The following PXDNL variants were observed in gnomAD, a reference collection of about 807,000 sequenced individuals.
The protein encoded by PXDNL is peroxidasin like, also known as probable oxidoreductase PXDNL.
A neutral mutation model predicts 150.8 loss-of-function variants in PXDNL; 145 were observed. That is an observed-to-expected ratio of 0.96 (90% CI 0.84 to 1.10). PXDNL has a LOEUF of 1.10. Among genes scored for constraint, PXDNL ranks in the 50% least tolerant of loss-of-function variants. PXDNL has a pLI of 0.00. For missense variants in PXDNL, 2,087 were observed against 1,873.9 expected, an observed-to-expected ratio of 1.11 and a Z score of -2.10; for synonymous variants, 757 against 725.7, an observed-to-expected ratio of 1.04 and a Z score of -0.69.
chr8:51,364,764 C>A (rs1030966884), intron 19 of PXDNL, among the ~76,000 whole-genome samples: 4 of 152,082 alleles, frequency 2.6e-5, no homozygotes, highest in Non-Finnish European at 2.9e-5. Context: ...TTGCTGCCAT[C>A]GGTTATGGAG....
At chr8:51,712,792 A>C (rs1282954573) in intron 1 of PXDNL, among the ~76,000 whole-genome samples, 2 of 152,218 alleles carry the variant, frequency 1.3e-5, no homozygotes, top group Non-Finnish European at 2.9e-5. Flanking sequence ...GCAACTGTTA[A>C]AATATTCCTT....
intron 6 of PXDNL, among the ~76,000 whole-genome samples, chr8:51,483,374 T>G (rs116655717): frequency 6.6e-6 from 1 of 152,342 alleles, no homozygotes; most frequent in African/African-American, 2.4e-5. Context: ...CCTTTAGATT[T>G]AGCCAGCAAG....
chr8:51,732,138 A>G (rs997272808), intron 1 of PXDNL, among the ~76,000 whole-genome samples: 3 of 152,166 alleles, frequency 2.0e-5, no homozygotes, highest in Non-Finnish European at 2.9e-5. Context: ...TTAAGTTCCT[A>G]TCCCAAAGCA....
intron 4 of PXDNL, among the ~76,000 whole-genome samples, chr8:51,551,725 GAAGAT>G (rs1296223150): frequency 6.6e-6 from 1 of 152,168 alleles, no homozygotes; most frequent in Non-Finnish European, 1.5e-5. Context: ...AAAAATTCTA[GAAGAT>G]AACATTGTAA....
In PXDNL at chr8:51,526,348, T is replaced by TC. The variant is rs1313577164; in HGVS notation, c.381-26579_381-26578insG. Among the ~76,000 whole-genome samples, 400 of 150,392 alleles carry TC rather than the reference T, an allele frequency of 2.7e-3. 5 individuals are homozygous for TC. The highest frequency in any genetic ancestry group is 8.5e-3 in the African/African-American group (346 of 40,942). On this transcript the variant is annotated intron_variant, in intron 4 of 22. Transcript: ENST00000356297. The stretch of plus-strand genomic sequence containing the variant: ...TAAGTAGCTGATCTGTTTTTTTTTC[T>TC]TTTTTTTTTAAATTTCATTTTGTGA...
chr8:51,347,504 G>GTTT (rs1319321420), intron 19 of PXDNL, among the ~76,000 whole-genome samples: 2 of 152,072 alleles, frequency 1.3e-5, no homozygotes, highest in African/African-American at 4.8e-5. Context: ...GTTGTTACTT[G>GTTT]TTTTCTTTTT....
chr8:51,696,082 T>C (rs1816117886), intron 1 of PXDNL, among the ~76,000 whole-genome samples: 1 of 152,236 alleles, frequency 6.6e-6, no homozygotes. Context: ...TGATCTACTT[T>C]AGTTCTTGGC....
intron 21 of PXDNL, among the ~76,000 whole-genome samples, chr8:51,335,089 G>T (rs1459576770): frequency 6.6e-6 from 1 of 152,130 alleles, no homozygotes; most frequent in Non-Finnish European, 1.5e-5. Context: ...TGAGGAGGCT[G>T]GATTTTCTAG....
At chr8:51,419,348 A>G (rs1287794181) in intron 14 of PXDNL, among the ~76,000 whole-genome samples, 1 of 152,210 alleles carries the variant, frequency 6.6e-6, no homozygotes, top group Non-Finnish European at 1.5e-5. Flanking sequence ...GAATTTTATC[A>G]CAGACATGCT....
At chr8:51,779,485 C>T (rs1172899011) in intron 1 of PXDNL, among the ~76,000 whole-genome samples, 1 of 152,200 alleles carries the variant, frequency 6.6e-6, no homozygotes, top group Non-Finnish European at 1.5e-5. Context: ...ACAGTACAGT[C>T]ATGCAGGGCA....
intron 1 of PXDNL, among the ~76,000 whole-genome samples, chr8:51,776,917 C>A (rs1474558985): frequency 6.6e-6 from 1 of 152,106 alleles, no homozygotes; most frequent in Non-Finnish European, 1.5e-5. Flanking sequence ...AGCCTAGGAA[C>A]AAATGTAGAC....
At chr8:51,453,983 T>C (rs1809870894) in intron 9 of PXDNL, among the ~76,000 whole-genome samples, 198 bp from the exon 10 acceptor site, 1 of 152,240 alleles carries the variant, frequency 6.6e-6, no homozygotes, top group Non-Finnish European at 1.5e-5. Context: ...TGTAAGTACA[T>C]ACTTTTTTAA....
At chr8:51,518,972 A>G (rs1585543958) in intron 4 of PXDNL, among the ~76,000 whole-genome samples, 2 of 152,318 alleles carry the variant, frequency 1.3e-5, no homozygotes, top group East Asian at 3.9e-4. Flanking sequence ...CAGGAAATAA[A>G]CAAGGACTCC....
intron 3 of PXDNL, among the ~76,000 whole-genome samples, chr8:51,583,240 T>C (rs1813248738): frequency 6.6e-6 from 1 of 152,078 alleles, no homozygotes; most frequent in African/African-American, 2.4e-5. Flanking sequence ...GCAGGTTGTA[T>C]GAGGAACATG....
chr8:51,489,093 G>A (rs1810835013), intron 5 of PXDNL, among the ~76,000 whole-genome samples: 1 of 152,152 alleles, frequency 6.6e-6, no homozygotes, highest in South Asian at 2.1e-4. Flanking sequence ...CGAAATAACA[G>A]ATATTATGAA....
At chr8:51,714,926 G>A (rs1816583063) in intron 1 of PXDNL, among the ~76,000 whole-genome samples, 1 of 152,142 alleles carries the variant, frequency 6.6e-6, no homozygotes. Context: ...TAAATTGTAA[G>A]TGCCATAAAG....
At position 51,553,945 on chromosome 8, in the gene PXDNL, T is replaced by C. The variant is rs139913411; in HGVS notation, c.380+2895A>G. ...TCTAAGCCATAATGTGAGGAGTTTA[T>C]ACATCCACATTTAAAAGATGAATCG... is the stretch of plus-strand genomic sequence containing the variant. On this transcript the variant is annotated intron_variant, in intron 4 of 22. Transcript: ENST00000356297. 1.9e-3 allele frequency among the ~76,000 whole-genome samples: 282 copies of C among 152,180 alleles called. 1 individual carries two copies. Among genetic ancestry groups the C allele is most frequent in the African/African-American group, 6.4e-3 (264 of 41,530 alleles).
intron 1 of PXDNL, among the ~76,000 whole-genome samples, chr8:51,792,353 A>G (rs1276777445): frequency 6.6e-6 from 1 of 152,182 alleles, no homozygotes; most frequent in East Asian, 1.9e-4. Flanking sequence ...ACCCCCAGCC[A>G]AGAGATGTGA....
chr8:51,624,084 C>T (rs1814312269), intron 2 of PXDNL, among the ~76,000 whole-genome samples: 1 of 141,524 alleles, frequency 7.1e-6, no homozygotes. Context: ...CAGGGCAAGA[C>T]CCTGTCTCAA....
Sources: gnomAD v4.1 joint callset for allele counts (sites outside exome capture counted in the v4.1 genomes callset) on GRCh38, gnomAD v4.1.1 for gene constraint, MANE v1.5 for transcripts, NCBI Gene and HGNC (gene_info 2026-07-23, HGNC 2026-07-21) for gene names.